The following PPP6R3 variants were observed in gnomAD, a reference collection of about 807,000 sequenced individuals.
PPP6R3 encodes the protein serine/threonine-protein phosphatase 6 regulatory subunit 3.
A neutral mutation model predicts 110.7 loss-of-function variants in PPP6R3; 38 were observed. The ratio of observed to expected loss-of-function variants is 0.34; its 90% CI spans 0.26 to 0.45. PPP6R3 has a LOEUF of 0.45. PPP6R3 is among the 20% of genes least tolerant of loss of function. PPP6R3 has a pLI of 1.00. For missense variants in PPP6R3, 870 were observed against 1,062.4 expected (o/e 0.82, Z 2.52); for synonymous variants, 369 against 373.5 (o/e 0.99, Z 0.14).
At chr11:68,601,028 G>A (rs1305586738) in intron 20 of PPP6R3, among the ~76,000 whole-genome samples, 1 of 152,196 alleles carries the variant, frequency 6.6e-6, no homozygotes, top group Non-Finnish European at 1.5e-5. Context: ...GTTTTGGGCT[G>A]ACAGTTAGTG....
chr11:68,537,550 T>C lies in PPP6R3; in HGVS notation c.-6-109T>C, dbSNP rs2099277298. The C allele has an allele frequency of 1.1e-5, 8 of 708,134 alleles. No homozygotes were observed. The East Asian group carries it at 1.9e-4, about 17-fold the overall frequency. 43.9% of individuals were successfully genotyped at this position (708,134 alleles called of 1,614,324 possible). On this transcript the variant is annotated intron_variant, in intron 2 of 23. Coordinates refer to ENST00000393800, the MANE Select transcript of PPP6R3 (RefSeq NM_001164161.2). ...TTCAGTGTGAAGCTTATTTAACTTA[T>C]GTGAGCCAAGTTGGCATTTTAGATT...
chr11:68,568,010 C>T (rs6591341), intron 10 of PPP6R3, among the ~76,000 whole-genome samples: 48,408 of 151,766 alleles, frequency 0.32, 8,776 homozygotes, highest in African/African-American at 0.49. Context: ...GGCTAGTGAG[C>T]GGTGAAGCCA....
intron 2 of PPP6R3, among the ~76,000 whole-genome samples, chr11:68,533,704 C>CAAA (rs58617776): frequency 1.3e-3 from 74 of 56,158 alleles, no homozygotes; most frequent in African/African-American, 4.6e-3. Flanking sequence ...GACCTTGTCT[C>CAAA]AAAAAAAAAA....
At chr11:68,528,439 G>A (rs530892710) in intron 2 of PPP6R3, among the ~76,000 whole-genome samples, 3 of 145,602 alleles carry the variant, frequency 2.1e-5, no homozygotes, top group Non-Finnish European at 4.5e-5. Flanking sequence ...TGTGTGGGGG[G>A]GGGGGCTGCA....
At chr11:68,607,685 A>G (rs141442140) in intron 22 of PPP6R3, among the ~76,000 whole-genome samples, 1 of 152,242 alleles carries the variant, frequency 6.6e-6, no homozygotes, top group Non-Finnish European at 1.5e-5. Flanking sequence ...GCAGAAAGGG[A>G]CTTCTGTATC....
chr11:68,503,555 G>A lies in PPP6R3; in HGVS notation c.-157-15946G>A, dbSNP rs1315025904. Among the ~76,000 whole-genome samples the A allele has an allele frequency of 1.3e-5, 2 of 152,172 alleles. 1 individual carries two copies. The highest frequency in any genetic ancestry group is 1.3e-4 in the Admixed American group (2 of 15,256). ...GTGTGACATCAGAGAAGCCAGGCGA[G>A]GAGAATGTTCTAATGAGGAGCGTCT... On this transcript the variant is annotated intron_variant, in intron 1 of 23. Transcript: ENST00000393800.
chr11:68,525,427 C>T (rs76046810), intron 2 of PPP6R3, among the ~76,000 whole-genome samples: 3,263 of 152,220 alleles, frequency 0.021, 126 homozygotes, highest in African/African-American at 0.075. Flanking sequence ...GCTTTTATTC[C>T]TGAGCAGTCT....
Position 68,598,683 on chromosome 11 carries a change from A to G in PPP6R3, c.2039-1658A>G, listed in dbSNP as rs554200177. ...CAGAATCATTTAAAATGTTACACGG[A>G]CTCTGAGGAGCTCATCTGGGAAAGA... On this transcript the variant is annotated intron_variant, in intron 19 of 23. Coordinates refer to ENST00000393800, the MANE Select transcript of PPP6R3 (RefSeq NM_001164161.2). 1.8e-4 allele frequency among the ~76,000 whole-genome samples: 27 copies of G among 152,152 alleles called. No individual in the cohort carries two copies. The South Asian group carries it at 3.5e-3, about 20-fold the overall frequency.
chr11:68,521,062 G>A (rs1269050048), intron 2 of PPP6R3, among the ~76,000 whole-genome samples: 2 of 152,100 alleles, frequency 1.3e-5, no homozygotes, highest in East Asian at 3.9e-4. Context: ...GTGAGCCACC[G>A]CGTCCGGCCT....
At chr11:68,605,437 T>C (rs1290775347) in intron 22 of PPP6R3, among the ~76,000 whole-genome samples, 1 of 152,188 alleles carries the variant, frequency 6.6e-6, no homozygotes, top group Non-Finnish European at 1.5e-5. Flanking sequence ...TATAATTCAA[T>C]GAGGAAAGAG....
At chr11:68,463,355 GAAAAAA>G (rs1156285158) in intron 1 of PPP6R3, among the ~76,000 whole-genome samples, 6 of 54,626 alleles carry the variant, frequency 1.1e-4, no homozygotes, top group Admixed American at 2.5e-4. Flanking sequence ...CTCAGTCTCA[GAAAAAA>G]AAAAAAAAAA....
intron 1 of PPP6R3, among the ~76,000 whole-genome samples, chr11:68,475,306 T>C (rs1052825576): frequency 2.0e-5 from 3 of 152,234 alleles, no homozygotes; most frequent in Non-Finnish European, 4.4e-5. Flanking sequence ...GTCTCCCATG[T>C]CTACTTCTTT....
chr11:68,529,502 C>T (rs573655818), intron 2 of PPP6R3, among the ~76,000 whole-genome samples: 1 of 152,208 alleles, frequency 6.6e-6, no homozygotes, highest in East Asian at 1.9e-4. Flanking sequence ...CAGGTGTGAG[C>T]CACCGCGCCC....
chr11:68,609,169 T>G (rs1942018430), intron 22 of PPP6R3, among the ~76,000 whole-genome samples: 1 of 152,218 alleles, frequency 6.6e-6, no homozygotes, highest in African/African-American at 2.4e-5. Context: ...GAGTGTCTCT[T>G]GTGTCTTTCT....
chr11:68,466,873 A>G (rs527591065), intron 1 of PPP6R3, among the ~76,000 whole-genome samples: 1 of 151,772 alleles, frequency 6.6e-6, no homozygotes. Flanking sequence ...TTGGCCTCCC[A>G]AAGTGCTGGG....
chr11:68,498,572 C>G (rs929267996), intron 1 of PPP6R3, among the ~76,000 whole-genome samples: 6 of 152,104 alleles, frequency 3.9e-5, no homozygotes, highest in African/African-American at 1.4e-4. Context: ...TTAGTTTTGC[C>G]CAGTTTTGTT....
intron 13 of PPP6R3, 119 bp downstream of exon 13, chr11:68,574,343 C>T (rs1342264913): frequency 1.4e-6 from 1 of 725,286 alleles, no homozygotes; most frequent in South Asian, 1.8e-5. Flanking sequence ...TTATATTTGG[C>T]AAATTATGTA....
At chr11:68,542,401 T>G (rs1178931838) in intron 3 of PPP6R3, among the ~76,000 whole-genome samples, 1 of 115,054 alleles carries the variant, frequency 8.7e-6, no homozygotes, top group Non-Finnish European at 1.8e-5. Flanking sequence ...TTTTTTTTTT[T>G]TTTTTTTTTT....
At chr11:68,528,200 T>TTTGA (rs2099211152) in intron 2 of PPP6R3, among the ~76,000 whole-genome samples, 2 of 152,314 alleles carry the variant, frequency 1.3e-5, no homozygotes, top group South Asian at 4.1e-4. Context: ...ATTAAATGGA[T>TTTGA]TTGATTCCTT....
Sources: allele counts gnomAD v4.1 joint callset (sites outside exome capture counted in the v4.1 genomes callset), GRCh38; gene constraint gnomAD v4.1.1; transcripts MANE v1.5; gene names NCBI Gene and HGNC (gene_info 2026-07-23, HGNC 2026-07-21).